SGCZ: variants seen among roughly 807,000 people sequenced by gnomAD.
The protein encoded by SGCZ is sarcoglycan zeta, also known as zeta-sarcoglycan.
SGCZ carries 40 observed loss-of-function variants against 41.3 expected under a neutral mutation model. The ratio of observed to expected loss-of-function variants is 0.97; its 90% CI spans 0.75 to 1.26. The LOEUF is 1.26. Among genes scored for constraint, SGCZ ranks in the 50% most tolerant of loss-of-function variants. The pLI is 0.00. For synonymous variants in SGCZ, 206 were observed against 137.5 expected, an observed-to-expected ratio of 1.50 and a Z score of -3.49; for missense variants, 552 against 369.8, an observed-to-expected ratio of 1.49 and a Z score of -4.04.
intron 1 of SGCZ, among the ~76,000 whole-genome samples, chr8:14,849,744 C>T (rs947167829): frequency 1.3e-5 from 2 of 151,902 alleles, no homozygotes; most frequent in Admixed American, 6.6e-5. Context: ...TGAATGTATA[C>T]TTATGTCAAA....
At chr8:15,227,978 T>C (rs1801830124) in intron 1 of SGCZ, among the ~76,000 whole-genome samples, 1 of 152,232 alleles carries the variant, frequency 6.6e-6, no homozygotes, top group Admixed American at 6.5e-5. Context: ...GCTGAAACTT[T>C]ACTATGGCTT....
chr8:14,576,429 G>C lies in SGCZ; in HGVS notation c.40-21503C>G, dbSNP rs7826968. 2.0e-3 allele frequency among the ~76,000 whole-genome samples: 303 copies of C among 152,326 alleles called. 1 individual carries two copies. The highest frequency in any genetic ancestry group is 5.3e-3 in the African/African-American group (222 of 41,582). ...TCTGAATAACAAGAGGAGCCATATA[G>C]TATAATGAAGTAATATGTAGTAGTG... is the stretch of plus-strand genomic sequence containing the variant. On this transcript the variant is annotated intron_variant, in intron 1 of 7. Transcript: ENST00000382080.
chr8:14,789,317 C>G (rs892201533), intron 1 of SGCZ, among the ~76,000 whole-genome samples: 11 of 152,150 alleles, frequency 7.2e-5, no homozygotes, highest in African/African-American at 2.4e-4. Context: ...TCAACCTCAT[C>G]TGGGAATATG....
rs1161577499 is a variant in SGCZ at position 14,308,077 on chromosome 8, A to G, written c.336+16026T>C. On this transcript the variant is annotated intron_variant, in intron 3 of 7. Transcript: ENST00000382080. ...TCTTAGTAAATTAGGGATAAAGATT[A>G]TTCATTTTGTCAAAAATGAACTTGC... Among the ~76,000 whole-genome samples, 3 of 152,200 alleles carry G rather than the reference A, an allele frequency of 2.0e-5. No individual in the cohort carries two copies. The East Asian group carries it at 5.8e-4, about 30-fold the overall frequency.
intron 4 of SGCZ, among the ~76,000 whole-genome samples, chr8:14,218,937 C>T (rs1806094035): frequency 6.6e-6 from 1 of 152,322 alleles, no homozygotes; most frequent in Non-Finnish European, 1.5e-5. Flanking sequence ...GATTCTCTTA[C>T]AGCTACACGG....
intron 1 of SGCZ, among the ~76,000 whole-genome samples, chr8:14,929,181 T>C (rs7006359): frequency 0.45 from 67,749 of 151,662 alleles, 15,973 homozygotes; most frequent in African/African-American, 0.6. Flanking sequence ...TTAGTAGAGA[T>C]GGGGTTTCAC....
chr8:14,634,980 C>T (rs1212572701), intron 1 of SGCZ, among the ~76,000 whole-genome samples: 1 of 151,342 alleles, frequency 6.6e-6, no homozygotes, highest in Non-Finnish European at 1.5e-5. Flanking sequence ...TTAAATGATT[C>T]TTTGGAGGGG....
At chr8:15,177,483 A>T (rs1052620567) in intron 1 of SGCZ, among the ~76,000 whole-genome samples, 2 of 152,188 alleles carry the variant, frequency 1.3e-5, no homozygotes, top group African/African-American at 2.4e-5. Context: ...CAACTATTTG[A>T]TTTTAAAGAT....
intron 2 of SGCZ, among the ~76,000 whole-genome samples, chr8:14,407,134 T>C (rs998801981): frequency 3.5e-5 from 5 of 144,790 alleles, no homozygotes; most frequent in African/African-American, 1.3e-4. Context: ...AGTGGTGCCA[T>C]CTGGGTACAC....
At chr8:14,103,119 C>T (rs1040046378) in intron 6 of SGCZ, among the ~76,000 whole-genome samples, 1 of 151,978 alleles carries the variant, frequency 6.6e-6, no homozygotes, top group East Asian at 1.9e-4. Flanking sequence ...TGAGTGACAT[C>T]AGTCTGTGAA....
intron 1 of SGCZ, among the ~76,000 whole-genome samples, chr8:15,056,260 C>G (rs1450864009): frequency 6.6e-6 from 1 of 152,174 alleles, no homozygotes; most frequent in Non-Finnish European, 1.5e-5. Flanking sequence ...TAGACTTCTT[C>G]CTATTCTTCT....
At chr8:15,107,078 A>G (rs1291657128) in intron 1 of SGCZ, among the ~76,000 whole-genome samples, 1 of 152,160 alleles carries the variant, frequency 6.6e-6, no homozygotes, top group Non-Finnish European at 1.5e-5. Context: ...ATCAGGGTAT[A>G]TTATTTGTTA....
chr8:14,929,270 C>T (rs574871115), intron 1 of SGCZ, among the ~76,000 whole-genome samples: 5 of 152,138 alleles, frequency 3.3e-5, no homozygotes, highest in African/African-American at 7.2e-5. Flanking sequence ...GGATTACAGG[C>T]GTGAACCACT....
At chr8:14,469,299 C>T (rs893067645) in intron 2 of SGCZ, among the ~76,000 whole-genome samples, 1 of 152,022 alleles carries the variant, frequency 6.6e-6, no homozygotes, top group Non-Finnish European at 1.5e-5. Context: ...TTTGCATTTT[C>T]CTATTTAACT....
Position 14,766,130 on chromosome 8 carries a change from T to G in SGCZ, c.40-211204A>C, listed in dbSNP as rs550475424. 2.9e-3 allele frequency among the ~76,000 whole-genome samples: 444 copies of G among 152,086 alleles called. 5 individuals are homozygous for G. The highest frequency in any genetic ancestry group is 3.3e-3 in the East Asian group (17 of 5,144). On this transcript the variant is annotated intron_variant, in intron 1 of 7. Transcript: ENST00000382080. Reference sequence around the variant, plus strand: ...GGTATGTGCCACCACACCCAACTTTTTAATATTTTTAGTAGAGACGGGTTT... The same window carrying G: ...GGTATGTGCCACCACACCCAACTTTGTAATATTTTTAGTAGAGACGGGTTT...
chr8:14,703,902 C>T (rs191467219), intron 1 of SGCZ, among the ~76,000 whole-genome samples: 5 of 152,076 alleles, frequency 3.3e-5, no homozygotes, highest in Admixed American at 2.6e-4. Flanking sequence ...GTTATGGTGG[C>T]TCTGAAGTTT....
chr8:14,520,119 A>G (rs999769323), intron 2 of SGCZ, among the ~76,000 whole-genome samples: 1 of 152,144 alleles, frequency 6.6e-6, no homozygotes, highest in Non-Finnish European at 1.5e-5. Context: ...TTTATAATAC[A>G]TCCTGCCAAG....
chr8:14,497,191 CAG>C (rs950449225), intron 2 of SGCZ, among the ~76,000 whole-genome samples: 1 of 152,066 alleles, frequency 6.6e-6, no homozygotes, highest in African/African-American at 2.4e-5. Flanking sequence ...TTTTTAAAAA[CAG>C]AGGTTTATCT....
intron 1 of SGCZ, among the ~76,000 whole-genome samples, chr8:14,958,422 C>T (rs1280274280): frequency 2.0e-5 from 3 of 151,986 alleles, no homozygotes; most frequent in African/African-American, 7.2e-5. Context: ...GTATGCAATA[C>T]TGATACGTTA....
Sources: gnomAD v4.1 joint callset for allele counts (sites outside exome capture counted in the v4.1 genomes callset) on GRCh38, gnomAD v4.1.1 for gene constraint, MANE v1.5 for transcripts, NCBI Gene and HGNC (gene_info 2026-07-23, HGNC 2026-07-21) for gene names.